Variants in ATL2 observed in about 807,000 individuals in gnomAD.
ATL2 encodes atlastin-2.
Under a neutral mutation model 73.9 loss-of-function variants are expected in ATL2, and 31 were observed. The observed-to-expected ratio is 0.42, with a 90% CI of 0.32 to 0.57. The LOEUF is 0.57. ATL2 is among the 20% of genes least tolerant of loss of function. The pLI, the probability that ATL2 is intolerant of heterozygous loss-of-function variation, is 0.14. For synonymous variants in ATL2, 291 were observed against 237.5 expected (o/e 1.23, Z -2.07); for missense variants, 738 against 702.6 (o/e 1.05, Z -0.57).
chr2:38,368,867 T>C (rs1272033628), intron 1 of ATL2, among the ~76,000 whole-genome samples: 1 of 151,912 alleles, frequency 6.6e-6, no homozygotes, highest in Non-Finnish European at 1.5e-5. Flanking sequence ...GGTTGGAGGA[T>C]CGCTTAACCC....
At chr2:38,347,566 A>G (rs1469768919) in intron 1 of ATL2, among the ~76,000 whole-genome samples, 2 of 151,936 alleles carry the variant, frequency 1.3e-5, no homozygotes, top group Non-Finnish European at 2.9e-5. Context: ...ACCTTTTTTC[A>G]TTCGTTTAAA....
rs562213942 is a variant in ATL2 at position 38,365,043 on chromosome 2, C to CA, written c.118+12099dup. ...TGGGGTACAGAGCGAGACTCCGTCT[C>CA]AAAAAAAAAAAAAAATTACTTTAAG... On this transcript the variant is annotated intron_variant, in intron 1 of 12. Transcript: ENST00000378954. Among the ~76,000 whole-genome samples the CA allele has an allele frequency of 6.5e-3, 738 of 112,856 alleles. 8 individuals are homozygous for CA. The highest frequency in any genetic ancestry group is 0.019 in the Middle Eastern group (4 of 206). 74.0% of individuals were successfully genotyped at this position (112,856 alleles called of 152,430 possible).
At chr2:38,367,271 G>T (rs755869819) in intron 1 of ATL2, among the ~76,000 whole-genome samples, 1 of 151,628 alleles carries the variant, frequency 6.6e-6, no homozygotes, top group Non-Finnish European at 1.5e-5. Flanking sequence ...CCCACTCTCC[G>T]ACAATAAAAA....
chr2:38,337,348 T>G (rs1169698451), intron 2 of ATL2, among the ~76,000 whole-genome samples: 1 of 150,812 alleles, frequency 6.6e-6, no homozygotes, highest in Non-Finnish European at 1.5e-5. Context: ...TAGCCAGGTG[T>G]CGTGGTGCGC....
In ATL2 at chr2:38,306,743, T is replaced by C. The variant is rs796794089; in HGVS notation, c.1071+2636A>G. ...CCTCAAAAGGTACAGAAGAAACAGA[T>C]CTCAACATAATAAAAGCTGTATACA... is the stretch of plus-strand genomic sequence containing the variant. On this transcript the variant is annotated intron_variant, in intron 9 of 12. Transcript: ENST00000378954. 5.9e-5 allele frequency among the ~76,000 whole-genome samples: 9 copies of C among 152,174 alleles called. 1 individual carries two copies. Among genetic ancestry groups the C allele is most frequent in the African/African-American group, 2.2e-4 (9 of 41,516 alleles).
At chr2:38,351,071 T>G (rs1482892406) in intron 1 of ATL2, among the ~76,000 whole-genome samples, 1 of 152,192 alleles carries the variant, frequency 6.6e-6, no homozygotes, top group Non-Finnish European at 1.5e-5. Context: ...AAAGTATATT[T>G]TATTATTCAC....
At chr2:38,340,172 G>C (rs1190930009) in intron 2 of ATL2, among the ~76,000 whole-genome samples, 1 of 42,196 alleles carries the variant, frequency 2.4e-5, no homozygotes, top group South Asian at 8.3e-4. Context: ...TAGTTTTGGT[G>C]GGGGGGGGGG....
At chr2:38,360,157 A>G (rs140083058) in intron 1 of ATL2, among the ~76,000 whole-genome samples, 3,664 of 151,380 alleles carry the variant, frequency 0.024, 65 homozygotes, top group Middle Eastern at 0.038. Context: ...AAAGAATACT[A>G]AAGTAAATTT....
intron 2 of ATL2, among the ~76,000 whole-genome samples, chr2:38,320,107 A>T (rs932579702): frequency 1.3e-5 from 2 of 152,212 alleles, no homozygotes; most frequent in African/African-American, 4.8e-5. Flanking sequence ...ACTGCGTCTC[A>T]AAAACAAAAA....
At position 38,295,851 on chromosome 2, in the gene ATL2, A is replaced by T; in HGVS notation, c.*143T>A. 1 of 658,560 alleles carries T rather than the reference A, an allele frequency of 1.5e-6. No individual in the cohort carries two copies. Among genetic ancestry groups the T allele is most frequent in the Admixed American group, 3.2e-5 (1 of 30,904 alleles). 40.8% of individuals were successfully genotyped at this position (658,560 alleles called of 1,614,324 possible). ...CTTAAAACTAACAAACAATCTTCAC[A>T]CTCTGTGGCAGCCATCTGTGAAGCC... On this transcript the variant is annotated 3_prime_UTR_variant, in exon 13 of 13. Transcript: ENST00000378954.
chr2:38,313,361 A>G (rs1020455318), intron 6 of ATL2, 118 bp from the exon 7 acceptor site: 4 of 715,192 alleles, frequency 5.6e-6, no homozygotes, highest in Non-Finnish European at 6.7e-6. Flanking sequence ...ATCAAAAGTT[A>G]TAGTAACTAA....
Position 38,324,841 on chromosome 2 carries a change from T to C in ATL2, c.364-5822A>G, listed in dbSNP as rs60144007. 6.9e-3 allele frequency among the ~76,000 whole-genome samples: 1,051 copies of C among 152,258 alleles called. 13 individuals are homozygous for C. Among genetic ancestry groups the C allele is most frequent in the East Asian group, 0.057 (298 of 5,188 alleles). The stretch of plus-strand genomic sequence containing the variant: ...CATATGAGGTGCTTAGTCAAATTCA[T>C]AGGGACAGAAAGTAGAATGGTGGAT... On this transcript the variant is annotated intron_variant, in intron 2 of 12. Coordinates refer to ENST00000378954, the MANE Select transcript of ATL2 (RefSeq NM_001135673.4).
upstream of ATL2, among the ~76,000 whole-genome samples, chr2:38,377,456 C>T (rs1301573287): frequency 6.7e-6 from 1 of 148,736 alleles, no homozygotes; most frequent in Non-Finnish European, 1.5e-5. Flanking sequence ...GCCCATCGCT[C>T]GCTCGCTCCG....
intron 9 of ATL2, among the ~76,000 whole-genome samples, chr2:38,305,777 G>A (rs186835180): frequency 3.3e-5 from 5 of 151,912 alleles, no homozygotes; most frequent in East Asian, 1.9e-4. Context: ...GGGATACAGC[G>A]TTAAGCAGTA....
intron 2 of ATL2, among the ~76,000 whole-genome samples, chr2:38,326,169 T>A (rs1356294727): frequency 2.0e-5 from 3 of 152,182 alleles, no homozygotes; most frequent in Non-Finnish European, 4.4e-5. Context: ...TGCTCCAATA[T>A]AATGACAGTG....
At chr2:38,343,214 G>C (rs1669829030) in intron 2 of ATL2, 54 bp downstream of exon 2, 2 of 1,378,398 alleles carry the variant, frequency 1.5e-6, no homozygotes, top group East Asian at 5.2e-5. Context: ...TTTTTAACAG[G>C]CATGGTTGGT....
chr2:38,365,573 G>A lies in ATL2; in HGVS notation c.118+11570C>T, dbSNP rs539305575. Among the ~76,000 whole-genome samples, 25 of 152,214 alleles carry A rather than the reference G, an allele frequency of 1.6e-4. 1 individual carries two copies. The South Asian group carries it at 4.8e-3, about 29-fold the overall frequency. Reference sequence around the variant, plus strand: ...TCGGAGGCCAAGGTGGGTGAATCACGAGGTCAGGAGTTCGAGACCAGCCTG... The same window carrying A: ...TCGGAGGCCAAGGTGGGTGAATCACAAGGTCAGGAGTTCGAGACCAGCCTG... On this transcript the variant is annotated intron_variant, in intron 1 of 12. Transcript: ENST00000378954.
At chr2:38,325,167 A>G (rs1236621664) in intron 2 of ATL2, among the ~76,000 whole-genome samples, 1 of 152,254 alleles carries the variant, frequency 6.6e-6, no homozygotes, top group Non-Finnish European at 1.5e-5. Context: ...TTCCAGTGTC[A>G]GCTTTCTCAT....
At chr2:38,376,949 G>A (rs1672008236) in intron 1 of ATL2, among the ~76,000 whole-genome samples, 194 bp downstream of exon 1, 1 of 151,000 alleles carries the variant, frequency 6.6e-6, no homozygotes, top group African/African-American at 2.4e-5. Flanking sequence ...CCCACGAGCC[G>A]CCCTTTCAGG....
Sources: gnomAD v4.1 joint callset for allele counts (sites outside exome capture counted in the v4.1 genomes callset) on GRCh38, gnomAD v4.1.1 for gene constraint, MANE v1.5 for transcripts, NCBI Gene and HGNC (gene_info 2026-07-23, HGNC 2026-07-21) for gene names.